Variants in PIAS1 observed in about 807,000 individuals in gnomAD.
The protein encoded by PIAS1 is E3 SUMO-protein ligase PIAS1.
A neutral mutation model predicts 71.3 loss-of-function variants in PIAS1; 6 were observed. The observed-to-expected ratio is 0.08, with a 90% CI of 0.05 to 0.17. PIAS1 has a LOEUF of 0.17. PIAS1 is among the 10% of genes least tolerant of loss of function. The probability of loss-of-function intolerance (pLI) is 1.00; values close to 1 mark genes in which losing one functional copy is unlikely to be tolerated. For synonymous variants in PIAS1, 303 were observed against 292.9 expected (o/e 1.03, Z -0.35); for missense variants, 555 against 793.6 (o/e 0.70, Z 3.61).
At chr15:68,139,605 G>A (rs937150409) in intron 2 of PIAS1, among the ~76,000 whole-genome samples, 3 of 152,146 alleles carry the variant, frequency 2.0e-5, no homozygotes, top group African/African-American at 4.8e-5. Flanking sequence ...AAACATCACC[G>A]TGAACCCCAT....
chr15:68,132,253 C>T (rs988004865), intron 2 of PIAS1, among the ~76,000 whole-genome samples: 9 of 151,580 alleles, frequency 5.9e-5, no homozygotes, highest in East Asian at 5.8e-4. Flanking sequence ...CTGAGGCGGG[C>T]GGATCACGAG....
chr15:68,106,765 G>C lies in PIAS1; in HGVS notation c.469+20015G>C, dbSNP rs559498548. 4.2e-4 allele frequency among the ~76,000 whole-genome samples: 64 copies of C among 152,306 alleles called. 1 individual carries two copies. In the Middle Eastern group the frequency reaches 0.01, roughly 24 times the overall value. ...GATCTGTAGAGTGAAGGGGGATTAGGCTCTAACGTCAGTGTATTAGCCCTA... is the reference window on the plus strand; with the variant it reads ...GATCTGTAGAGTGAAGGGGGATTAGCCTCTAACGTCAGTGTATTAGCCCTA... On this transcript the variant is annotated intron_variant, in intron 2 of 13. Transcript: ENST00000249636.
chr15:68,166,433 A>T (rs1256722204), intron 8 of PIAS1, among the ~76,000 whole-genome samples: 1 of 151,252 alleles, frequency 6.6e-6, no homozygotes, highest in Non-Finnish European at 1.5e-5. Flanking sequence ...TTTTTTTTTT[A>T]AAGAAAAAGG....
rs1055867375 is a variant in PIAS1 at position 68,178,154 on chromosome 15, C to T, written c.1481+1500C>T. 6.6e-6 allele frequency among the ~76,000 whole-genome samples: 1 copy of T among 152,162 alleles called. No homozygotes were observed. The highest frequency in any genetic ancestry group is 2.4e-5 in the African/African-American group (1 of 41,426). On this transcript the variant is annotated intron_variant, in intron 11 of 13. Transcript: ENST00000249636. This position sits in a 1 kb window ranked among gnomAD's most constrained non-coding sequence, Gnocchi z 4.2. ...GTATGGCACTGTGTGCCTGTTGTCC[C>T]AACTACTCGGAGGGCTGATGGGGGA...
At chr15:68,129,012 T>C (rs746318956) in intron 2 of PIAS1, among the ~76,000 whole-genome samples, 1 of 152,220 alleles carries the variant, frequency 6.6e-6, no homozygotes, top group Non-Finnish European at 1.5e-5. Flanking sequence ...TATAATGTGT[T>C]ATATAACATG....
intron 1 of PIAS1, among the ~76,000 whole-genome samples, chr15:68,061,992 T>C (rs1232222634): frequency 6.6e-6 from 1 of 152,214 alleles, no homozygotes; most frequent in Non-Finnish European, 1.5e-5. Context: ...TTAATATACA[T>C]GTGTCAGATG....
rs3941095 is a variant in PIAS1 at position 68,054,877 on chromosome 15, G to C, written c.24+527G>C. The C allele has an allele frequency of 6.6e-6, 1 of 152,302 alleles. No individual in the cohort carries two copies. Among genetic ancestry groups the C allele is most frequent in the Non-Finnish European group, 1.5e-5 (1 of 68,122 alleles). The allele number at this position is 152,302 out of a possible 1,614,324, so 9.4% of individuals were successfully genotyped here. On this transcript the variant is annotated intron_variant, in intron 1 of 13. Coordinates refer to ENST00000249636, the MANE Select transcript of PIAS1 (RefSeq NM_016166.3). This position sits in a 1 kb window ranked among gnomAD's most constrained non-coding sequence, Gnocchi z 4.6. ...TCCCAGTAGCCCCCGCCCCGGACTCGGCTTTCCCCGGCTGCTCGCTTGTCA... is the reference window on the plus strand; with the variant it reads ...TCCCAGTAGCCCCCGCCCCGGACTCCGCTTTCCCCGGCTGCTCGCTTGTCA...
intron 2 of PIAS1, among the ~76,000 whole-genome samples, chr15:68,101,450 TTTTG>T (rs1428680329): frequency 6.6e-6 from 1 of 152,116 alleles, no homozygotes; most frequent in Non-Finnish European, 1.5e-5. Flanking sequence ...TTGTCTTTTT[TTTTG>T]TTTGTTTCCT....
chr15:68,171,261 G>A lies in PIAS1; in HGVS notation c.1009-2471G>A, dbSNP rs1001537372. On this transcript the variant is annotated intron_variant, in intron 8 of 13. Coordinates refer to ENST00000249636, the MANE Select transcript of PIAS1 (RefSeq NM_016166.3). This position sits in a 1 kb window ranked among gnomAD's most constrained non-coding sequence, Gnocchi z 4.4. ...CTTCAGTGGCAGTAACAGACATGGAGCTGTTCTCTCTTATGGTAACAGTGC... is the reference window on the plus strand; with the variant it reads ...CTTCAGTGGCAGTAACAGACATGGAACTGTTCTCTCTTATGGTAACAGTGC... 1.3e-5 allele frequency among the ~76,000 whole-genome samples: 2 copies of A among 152,154 alleles called. No homozygotes were observed. The highest frequency in any genetic ancestry group is 1.3e-4 in the Admixed American group (2 of 15,268).
chr15:68,059,494 G>A (rs1295735770), intron 1 of PIAS1, among the ~76,000 whole-genome samples: 1 of 151,582 alleles, frequency 6.6e-6, no homozygotes, highest in Non-Finnish European at 1.5e-5. Flanking sequence ...GGCGGATCAC[G>A]AGGTCAGGAG....
intron 8 of PIAS1, among the ~76,000 whole-genome samples, chr15:68,172,872 GAAGTCTCCTGA>G (rs972726778): frequency 1.8e-4 from 28 of 152,354 alleles, no homozygotes; most frequent in Non-Finnish European, 3.4e-4. Context: ...TGCAGGGCAA[GAAGTCTCCTGA>G]CATGCTGGAG....
At chr15:68,087,204 A>T (rs940422415) in intron 2 of PIAS1, among the ~76,000 whole-genome samples, 4 of 152,166 alleles carry the variant, frequency 2.6e-5, no homozygotes, top group African/African-American at 9.7e-5. Flanking sequence ...GATGTATGCT[A>T]GTTAAATTTC....
At chr15:68,074,420 C>T (rs1383515060) in intron 1 of PIAS1, among the ~76,000 whole-genome samples, 1 of 152,202 alleles carries the variant, frequency 6.6e-6, no homozygotes, top group Non-Finnish European at 1.5e-5. Context: ...CCTCCCACCT[C>T]AGCCTCCTGA....
intron 6 of PIAS1, among the ~76,000 whole-genome samples, chr15:68,151,707 C>CACAA (rs140053964): frequency 0.072 from 9,641 of 134,424 alleles, 1,022 homozygotes; most frequent in African/African-American, 0.23. Context: ...CACACACACA[C>CACAA]AAATTAGCTA....
At chr15:68,057,788 A>T (rs571352630) in intron 1 of PIAS1, among the ~76,000 whole-genome samples, 68 of 152,228 alleles carry the variant, frequency 4.5e-4, no homozygotes, top group Non-Finnish European at 9.0e-4. Context: ...CATTATTTTT[A>T]TCAACAGTAT....
intron 2 of PIAS1, among the ~76,000 whole-genome samples, chr15:68,088,982 C>T (rs576259101): frequency 1.9e-4 from 29 of 152,274 alleles, no homozygotes; most frequent in African/African-American, 6.5e-4. Flanking sequence ...TTTTTGAGAA[C>T]ATAGTTTCGA....
intron 1 of PIAS1, among the ~76,000 whole-genome samples, chr15:68,072,906 T>A (rs944583727): frequency 1.3e-5 from 2 of 152,238 alleles, no homozygotes; most frequent in African/African-American, 4.8e-5. Context: ...CCCTTAAAAC[T>A]AAAAAATTAT....
chr15:68,141,048 C>G (rs2092766474), intron 2 of PIAS1, among the ~76,000 whole-genome samples: 1 of 152,056 alleles, frequency 6.6e-6, no homozygotes, highest in African/African-American at 2.4e-5. Flanking sequence ...CTAACATGTA[C>G]TAAAAGCCAA....
At chr15:68,163,524 C>CT (rs147580771) in intron 7 of PIAS1, among the ~76,000 whole-genome samples, 1,949 of 152,282 alleles carry the variant, frequency 0.013, 48 homozygotes, top group African/African-American at 0.045. Flanking sequence ...GTAGGTAGGT[C>CT]TGATGTGCAC....
Sources: gnomAD v4.1 joint callset for allele counts (sites outside exome capture counted in the v4.1 genomes callset) on GRCh38, gnomAD v4.1.1 for gene constraint, Gnocchi (gnomAD v3.1) non-coding constraint, MANE v1.5 for transcripts, NCBI Gene and HGNC (gene_info 2026-07-23, HGNC 2026-07-21) for gene names.